Variants in KLHL29 observed in about 807,000 individuals in gnomAD.
KLHL29 encodes kelch like family member 29.
KLHL29 carries 21 observed loss-of-function variants against 80.4 expected under a neutral mutation model. The observed-to-expected ratio is 0.26, with a 90% CI of 0.19 to 0.38. The LOEUF is 0.38. Ranked by LOEUF, KLHL29 falls within the 10% of genes least tolerant of loss-of-function variation. The pLI, the probability that KLHL29 is intolerant of heterozygous loss-of-function variation, is 1.00. For synonymous variants in KLHL29, 511 were observed against 526.8 expected (o/e 0.97, Z 0.41); for missense variants, 867 against 1,223.9 (o/e 0.71, Z 4.35).
At chr2:23,517,084 G>A (rs887008735) in intron 2 of KLHL29, among the ~76,000 whole-genome samples, 2 of 152,184 alleles carry the variant, frequency 1.3e-5, no homozygotes, top group Non-Finnish European at 2.9e-5. Flanking sequence ...AAAGTCCAGG[G>A]AGAGGTTTCG....
intron 1 of KLHL29, among the ~76,000 whole-genome samples, chr2:23,408,263 T>TAAAAAAAAAAAAAAAA (rs55790582): frequency 7.6e-5 from 4 of 52,686 alleles, no homozygotes; most frequent in Non-Finnish European, 1.0e-4. Flanking sequence ...CATTTCACGC[T>TAAAAAAAAAAAAAAAA]AAAAAAAAAA....
rs572630877 is a variant in KLHL29 at position 23,525,475 on chromosome 2, G to A, written c.-45-36677G>A. Among the ~76,000 whole-genome samples, 71 of 152,236 alleles carry A rather than the reference G, an allele frequency of 4.7e-4. 2 individuals carry two copies. The highest frequency in any genetic ancestry group is 2.4e-5 in the African/African-American group (1 of 41,454). ...CCATGGCCAAGAAGAAATGGTGGCC[G>A]GAGCTTGCTGGCATCTGCTCTTGCC... On this transcript the variant is annotated intron_variant, in intron 2 of 13. Coordinates refer to ENST00000486442, the MANE Select transcript of KLHL29 (RefSeq NM_052920.2).
chr2:23,436,682 A>G (rs1663354571), intron 1 of KLHL29, among the ~76,000 whole-genome samples: 1 of 152,212 alleles, frequency 6.6e-6, no homozygotes, highest in Admixed American at 6.5e-5. Context: ...TTACGTGGGG[A>G]CTTGAAAATG....
Position 23,562,432 on chromosome 2 carries a change from A to C in KLHL29, c.236A>C (p.Glu79Ala). The stretch of plus-strand genomic sequence containing the variant: ...GCTCCCTGCACCACCGGCAGCAGCG[A>C]GGCCATCACCAGCCTCGTGGCCAGC... ...APAPCTTGSS[E>A]AITSLVASSA... is the part of the protein sequence containing the mutation. Residue 79 changes from glutamate to alanine, a missense_variant, in exon 3 of 14, where the codon GAG (glutamate) becomes GCG (alanine). Transcript: ENST00000486442. This position sits in a 1 kb window ranked among gnomAD's most constrained non-coding sequence, Gnocchi z 4.5. The C allele has an allele frequency of 1.3e-6, 2 of 1,537,322 alleles. No individual in the cohort carries two copies. Among genetic ancestry groups the C allele is most frequent in the Non-Finnish European group, 1.7e-6 (2 of 1,146,770 alleles).
intron 6 of KLHL29, chr2:23,691,302 G>A (rs777783751): frequency 1.9e-4 from 52 of 279,762 alleles, no homozygotes; most frequent in Non-Finnish European, 3.6e-4. Flanking sequence ...AGGCAGGGCC[G>A]GGCTGGGATG....
rs545383573 is a variant in KLHL29 at position 23,399,678 on chromosome 2, G to A, written c.-154+13898G>A. On this transcript the variant is annotated intron_variant, in intron 1 of 13. Transcript: ENST00000486442. Reference sequence around the variant, plus strand: ...TAATTGTGAACCTGTGTAACTGCATGATGAACCTGTGTAACTTTCATCACC... The same window carrying A: ...TAATTGTGAACCTGTGTAACTGCATAATGAACCTGTGTAACTTTCATCACC... Among the ~76,000 whole-genome samples, 18 of 152,330 alleles carry A rather than the reference G, an allele frequency of 1.2e-4. 1 individual carries two copies. Among genetic ancestry groups the A allele is most frequent in the Admixed American group, 1.0e-3 (16 of 15,294 alleles).
intron 2 of KLHL29, among the ~76,000 whole-genome samples, chr2:23,514,715 G>A (rs1665871131): frequency 6.6e-6 from 1 of 152,150 alleles, no homozygotes; most frequent in African/African-American, 2.4e-5. Context: ...AGTGTGTCTG[G>A]GTGTGGTGAT....
At chr2:23,602,198 CAG>C (rs1272659861) in intron 3 of KLHL29, among the ~76,000 whole-genome samples, 2 of 152,190 alleles carry the variant, frequency 1.3e-5, no homozygotes. Flanking sequence ...TCCTAACACA[CAG>C]AGACAGCCCG....
intron 3 of KLHL29, among the ~76,000 whole-genome samples, chr2:23,599,493 G>A (rs1304293912): frequency 6.6e-6 from 1 of 150,744 alleles, no homozygotes; most frequent in Non-Finnish European, 1.5e-5. Context: ...CTAATATAAT[G>A]AAATATAAAT....
At chr2:23,627,780 A>G (rs897973103) in intron 3 of KLHL29, among the ~76,000 whole-genome samples, 1 of 152,082 alleles carries the variant, frequency 6.6e-6, no homozygotes, top group Non-Finnish European at 1.5e-5. Flanking sequence ...TCTGGGAGTC[A>G]GTGTCGTGAG....
intron 2 of KLHL29, among the ~76,000 whole-genome samples, chr2:23,507,889 T>C (rs905408806): frequency 2.6e-5 from 4 of 152,244 alleles, no homozygotes; most frequent in African/African-American, 9.6e-5. Flanking sequence ...ATAGTTCTCT[T>C]TGTTATCTTT....
At chr2:23,660,847 G>A (rs1215264676) in intron 5 of KLHL29, among the ~76,000 whole-genome samples, 1 of 151,858 alleles carries the variant, frequency 6.6e-6, no homozygotes, top group African/African-American at 2.4e-5. Flanking sequence ...CCACCATGGT[G>A]AAACCCCATC....
rs78104127 is a variant in KLHL29 at position 23,555,619 on chromosome 2, G to A, written c.-45-6533G>A. Among the ~76,000 whole-genome samples, 114 of 152,350 alleles carry A rather than the reference G, an allele frequency of 7.5e-4. 1 individual carries two copies. Among genetic ancestry groups the A allele is most frequent in the African/African-American group, 2.7e-3 (113 of 41,582 alleles). ...GGAGGTTCGTCTGTGGAGGTGTGAG[G>A]TCAGGGCTCTGTCAGGTGGAGGACA... On this transcript the variant is annotated intron_variant, in intron 2 of 13. Coordinates refer to ENST00000486442, the MANE Select transcript of KLHL29 (RefSeq NM_052920.2).
At chr2:23,396,705 T>C (rs1025731134) in intron 1 of KLHL29, among the ~76,000 whole-genome samples, 1 of 152,170 alleles carries the variant, frequency 6.6e-6, no homozygotes, top group African/African-American at 2.4e-5. Flanking sequence ...TTGAATAATA[T>C]ACAGACTGCG....
chr2:23,451,391 C>G (rs1572328861), intron 1 of KLHL29, among the ~76,000 whole-genome samples: 1 of 152,174 alleles, frequency 6.6e-6, no homozygotes, highest in Admixed American at 6.5e-5. Flanking sequence ...TTTGGGGAGC[C>G]TTGCTTGTTT....
intron 2 of KLHL29, among the ~76,000 whole-genome samples, chr2:23,488,368 C>G (rs563461178): frequency 6.6e-6 from 1 of 152,348 alleles, no homozygotes; most frequent in South Asian, 2.1e-4. Flanking sequence ...CTCTGGGCAT[C>G]CCCCGTCTCC....
At chr2:23,634,794 G>A (rs1222559964) in intron 3 of KLHL29, among the ~76,000 whole-genome samples, 9 of 152,200 alleles carry the variant, frequency 5.9e-5, no homozygotes, top group Admixed American at 1.3e-4. Flanking sequence ...TGAGGGAACC[G>A]TGCTGTTTCA....
chr2:23,406,441 T>C (rs1415927699), intron 1 of KLHL29, among the ~76,000 whole-genome samples: 1 of 152,218 alleles, frequency 6.6e-6, no homozygotes, highest in Non-Finnish European at 1.5e-5. Context: ...GTTGGGACCA[T>C]GTTGCACATG....
chr2:23,522,944 G>A lies in KLHL29; in HGVS notation c.-45-39208G>A, dbSNP rs114063090. On this transcript the variant is annotated intron_variant, in intron 2 of 13. Coordinates refer to ENST00000486442, the MANE Select transcript of KLHL29 (RefSeq NM_052920.2). The stretch of plus-strand genomic sequence containing the variant: ...TCGACTTTGTCAGTGCCCTGATTGC[G>A]TTCCCTGTGGAGCTGACCACGAGAG... 6.6e-3 allele frequency among the ~76,000 whole-genome samples: 1,002 copies of A among 152,214 alleles called. 12 individuals are homozygous for A. Among genetic ancestry groups the A allele is most frequent in the African/African-American group, 0.022 (926 of 41,536 alleles).
Sources: gnomAD v4.1 joint callset for allele counts (sites outside exome capture counted in the v4.1 genomes callset) on GRCh38, gnomAD v4.1.1 for gene constraint, Gnocchi (gnomAD v3.1) non-coding constraint, MANE v1.5 for transcripts, NCBI Gene and HGNC (gene_info 2026-07-23, HGNC 2026-07-21) for gene names.